The following LRRC37A2 variants were observed in gnomAD, a reference collection of about 807,000 sequenced individuals.
LRRC37A2 encodes the protein leucine rich repeat containing 37 member A2, also known as leucine-rich repeat-containing protein 37A2.
A neutral mutation model predicts 68.8 loss-of-function variants in LRRC37A2; 9 were observed. That is an observed-to-expected ratio of 0.13 (90% confidence interval 0.08 to 0.23). The LOEUF is 0.23. Ranked by LOEUF, LRRC37A2 falls within the 10% of genes least tolerant of loss-of-function variation. LRRC37A2 has a pLI of 1.00. For missense variants in LRRC37A2, 168 were observed against 950.4 expected (o/e 0.18, Z 10.82); for synonymous variants, 63 against 367.6 (o/e 0.17, Z 9.48).
chr17:46,814,722 G>A, the LRRC37A2 span, among the ~76,000 whole-genome samples: 1 of 152,184 alleles, frequency 6.6e-6, no homozygotes, highest in Middle Eastern at 3.2e-3. Flanking sequence ...TTCCTCCCCC[G>A]CAGTCTCCAG....
At chr17:46,938,354 G>A in the LRRC37A2 span, among the ~76,000 whole-genome samples, 1 of 152,150 alleles carries the variant, frequency 6.6e-6, no homozygotes, top group African/African-American at 2.4e-5. Context: ...ATATTATATA[G>A]TCAGTCGTTC....
the LRRC37A2 span, chr17:46,917,124 A>G: frequency 6.6e-6 from 1 of 152,144 alleles, no homozygotes; most frequent in African/African-American, 2.4e-5. Context: ...CTCACTTGCA[A>G]AATGTATTCA....
the LRRC37A2 span, among the ~76,000 whole-genome samples, chr17:46,884,330 G>A: frequency 6.6e-6 from 1 of 152,160 alleles, no homozygotes; most frequent in African/African-American, 2.4e-5. Context: ...CCAGAGGCGG[G>A]AGATGTCAGA....
chr17:46,991,147 A>G, the LRRC37A2 span, among the ~76,000 whole-genome samples: 1 of 152,166 alleles, frequency 6.6e-6, no homozygotes, highest in Non-Finnish European at 1.5e-5. Flanking sequence ...GGCTGATTTA[A>G]AACTATAGTC....
the LRRC37A2 span, among the ~76,000 whole-genome samples, chr17:47,025,425 C>T: frequency 1.3e-5 from 2 of 151,826 alleles, no homozygotes; most frequent in African/African-American, 2.4e-5. Flanking sequence ...ATAATATTAT[C>T]GAGAATATTA....
chr17:46,942,795 C>A, the LRRC37A2 span, among the ~76,000 whole-genome samples: 1 of 152,204 alleles, frequency 6.6e-6, no homozygotes, highest in African/African-American at 2.4e-5. Flanking sequence ...AGGAAAGTGT[C>A]ATTCCTTCCC....
chr17:46,729,385 A>G, the LRRC37A2 span, among the ~76,000 whole-genome samples: 3 of 152,168 alleles, frequency 2.0e-5, no homozygotes, highest in South Asian at 6.2e-4. Flanking sequence ...TTTTTAACAG[A>G]TGATCTTGAG....
chr17:46,805,523 A>G, the LRRC37A2 span, among the ~76,000 whole-genome samples: 1 of 152,224 alleles, frequency 6.6e-6, no homozygotes, highest in South Asian at 2.1e-4. Context: ...CAGTGAGCCA[A>G]GATCTTGCAA....
chr17:46,938,902 T>G, the LRRC37A2 span: 1 of 1,533,396 alleles, frequency 6.5e-7, no homozygotes, highest in Non-Finnish European at 8.8e-7. Flanking sequence ...GATTGTGGTC[T>G]AATTTCCAAC....
chr17:46,814,449 TGA>T, the LRRC37A2 span, among the ~76,000 whole-genome samples: 1 of 151,922 alleles, frequency 6.6e-6, no homozygotes, highest in Non-Finnish European at 1.5e-5. Flanking sequence ...GGGGGCGGGG[TGA>T]GCGGGAGGGC....
the LRRC37A2 span, among the ~76,000 whole-genome samples, chr17:46,920,355 G>A: frequency 6.6e-6 from 1 of 152,162 alleles, no homozygotes; most frequent in East Asian, 1.9e-4. Flanking sequence ...GGAGGTTTTA[G>A]GGCTGTGTCT....
chr17:46,936,504 G>T, the LRRC37A2 span: 1 of 985,520 alleles, frequency 1.0e-6, no homozygotes, highest in Non-Finnish European at 1.2e-6. Flanking sequence ...TTTGTCTCTT[G>T]ATTCCCTCCA....
the LRRC37A2 span, among the ~76,000 whole-genome samples, chr17:46,947,295 G>A: frequency 1.3e-5 from 2 of 152,184 alleles, no homozygotes; most frequent in South Asian, 4.1e-4. Flanking sequence ...AGGTCGTGGT[G>A]GGCTGTGGGT....
the LRRC37A2 span, among the ~76,000 whole-genome samples, chr17:46,823,198 T>A: frequency 0.069 from 7,489 of 109,042 alleles, 521 homozygotes; most frequent in African/African-American, 0.11. Context: ...TTATATATAT[T>A]TATATATAAT....
the LRRC37A2 span, chr17:46,909,778 C>T: frequency 6.6e-6 from 1 of 152,196 alleles, no homozygotes; most frequent in South Asian, 2.1e-4. Flanking sequence ...GTTATTTTTC[C>T]TGATCCTCTC....
At chr17:46,919,680 G>A in the LRRC37A2 span, among the ~76,000 whole-genome samples, 2 of 152,174 alleles carry the variant, frequency 1.3e-5, no homozygotes, top group Non-Finnish European at 2.9e-5. Context: ...AGGCGCAGTG[G>A]CTCACGCCTG....
the LRRC37A2 span, among the ~76,000 whole-genome samples, chr17:46,892,951 T>C: frequency 4.4e-4 from 67 of 152,230 alleles, no homozygotes; most frequent in African/African-American, 1.5e-3. Flanking sequence ...TTCTTTTTTT[T>C]TTTGAGATGG....
At chr17:46,746,018 A>G in the LRRC37A2 span, among the ~76,000 whole-genome samples, 1 of 152,172 alleles carries the variant, frequency 6.6e-6, no homozygotes. Context: ...TCTCCTCCAG[A>G]AAAAGCTTTC....
the LRRC37A2 span, chr17:46,749,653 C>A: frequency 1.1e-6 from 1 of 896,244 alleles, no homozygotes; most frequent in Non-Finnish European, 1.6e-6. Context: ...TTCTGTTTTG[C>A]CTAATCATTT....
Sources: gnomAD v4.1 joint callset for allele counts (sites outside exome capture counted in the v4.1 genomes callset) on GRCh38, gnomAD v4.1.1 for gene constraint, MANE v1.5 for transcripts, NCBI Gene and HGNC (gene_info 2026-07-23, HGNC 2026-07-21) for gene names.